AGBL1: variants seen among roughly 807,000 people sequenced by gnomAD.
AGBL1 encodes the protein cytosolic carboxypeptidase 4.
Under a neutral mutation model 118.9 loss-of-function variants are expected in AGBL1, and 130 were observed. That is an observed-to-expected ratio of 1.09 (90% CI 0.95 to 1.26). The LOEUF (loss-of-function observed/expected upper bound fraction) is 1.26. Among genes scored for constraint, AGBL1 ranks in the 50% most tolerant of loss-of-function variants. AGBL1 has a pLI of 0.00. For synonymous variants in AGBL1, 555 were observed against 478.9 expected (o/e 1.16, Z -2.08); for missense variants, 1,584 against 1,298.1 (o/e 1.22, Z -3.38).
At chr15:86,903,364 T>C (rs1328483851) in intron 22 of AGBL1, among the ~76,000 whole-genome samples, 1 of 152,204 alleles carries the variant, frequency 6.6e-6, no homozygotes, top group African/African-American at 2.4e-5. Flanking sequence ...TTCTTTATTT[T>C]CCCTACCTTT....
chr15:86,568,227 G>T (rs2083946086), intron 21 of AGBL1, among the ~76,000 whole-genome samples: 1 of 152,068 alleles, frequency 6.6e-6, no homozygotes, highest in East Asian at 1.9e-4. Context: ...TCTTTGAACA[G>T]TCTTCGTATG....
chr15:86,947,146 C>T (rs769830986), intron 23 of AGBL1, among the ~76,000 whole-genome samples: 1 of 152,136 alleles, frequency 6.6e-6, no homozygotes, highest in African/African-American at 2.4e-5. Flanking sequence ...GGTGGGAATT[C>T]TTTGCTGATC....
intron 1 of AGBL1, among the ~76,000 whole-genome samples, chr15:86,130,146 G>T (rs2076801013): frequency 6.6e-6 from 1 of 152,080 alleles, no homozygotes; most frequent in East Asian, 1.9e-4. Context: ...ACTGGAGCAT[G>T]AGGGACACCT....
At chr15:86,183,426 A>C (rs753488491) in intron 5 of AGBL1, among the ~76,000 whole-genome samples, 3 of 152,178 alleles carry the variant, frequency 2.0e-5, no homozygotes, top group Non-Finnish European at 4.4e-5. Context: ...ATTTCCTATA[A>C]TTTACACAAG....
At chr15:86,648,960 T>C (rs1014749686) in intron 21 of AGBL1, among the ~76,000 whole-genome samples, 2 of 152,058 alleles carry the variant, frequency 1.3e-5, no homozygotes, top group East Asian at 3.9e-4. Context: ...CAAAGGGGAA[T>C]GGAGAAATGG....
At chr15:86,709,923 G>A (rs1477013384) in intron 22 of AGBL1, among the ~76,000 whole-genome samples, 1 of 152,106 alleles carries the variant, frequency 6.6e-6, no homozygotes, top group Non-Finnish European at 1.5e-5. Flanking sequence ...ATTAAATAGA[G>A]AGCCTTGTTA....
intron 22 of AGBL1, among the ~76,000 whole-genome samples, chr15:86,849,810 G>C (rs116540092): frequency 6.6e-6 from 1 of 152,302 alleles, no homozygotes; most frequent in African/African-American, 2.4e-5. Flanking sequence ...TAGCATTCAG[G>C]ACAGCAAGGT....
Position 86,978,033 on chromosome 15 carries a change from A to AT in AGBL1, c.3222-9948dup, listed in dbSNP as rs534219100. Among the ~76,000 whole-genome samples the AT allele has an allele frequency of 9.6e-3, 1,464 of 152,214 alleles. 23 individuals are homozygous for AT. The highest frequency in any genetic ancestry group is 0.034 in the African/African-American group (1,405 of 41,528). On this transcript the variant is annotated intron_variant, in intron 23 of 24. Transcript: ENST00000441037. ...ACTATCATGTAGTCTTTTATAAATA[A>AT]TTTTTTAGATAAAAGCAGTATTATT...
chr15:86,503,288 CCTCT>C (rs2082937473), intron 18 of AGBL1, among the ~76,000 whole-genome samples: 1 of 151,020 alleles, frequency 6.6e-6, no homozygotes, highest in Non-Finnish European at 1.5e-5. Context: ...AGTAATGTTC[CCTCT>C]GTCATTTCTC....
In AGBL1 at chr15:86,962,132, C is replaced by A. The variant is rs578135147; in HGVS notation, c.3222-25855C>A. Among the ~76,000 whole-genome samples the A allele has an allele frequency of 3.2e-4, 48 of 152,210 alleles. No homozygotes were observed. The South Asian group carries it at 9.5e-3, about 30-fold the overall frequency. On this transcript the variant is annotated intron_variant, in intron 23 of 24. Coordinates refer to the AGBL1 transcript ENST00000441037. The stretch of plus-strand genomic sequence containing the variant: ...TTCAATTATCCTGGAGACAGCCAAC[C>A]AATAAGTTTAGCAGTGTTTGAAAAG...
At chr15:86,705,762 A>C (rs756262417) in intron 22 of AGBL1, among the ~76,000 whole-genome samples, 9 of 152,150 alleles carry the variant, frequency 5.9e-5, no homozygotes, top group Non-Finnish European at 1.2e-4. Flanking sequence ...AGGTGCATTC[A>C]TCTGATCAAA....
At chr15:86,680,780 TG>T (rs1444692930) in intron 22 of AGBL1, among the ~76,000 whole-genome samples, 1 of 151,892 alleles carries the variant, frequency 6.6e-6, no homozygotes, top group African/African-American at 2.4e-5. Flanking sequence ...TTGGCCAGGT[TG>T]GTTTTGAACT....
At chr15:86,777,772 G>C (rs1186999934) in intron 22 of AGBL1, among the ~76,000 whole-genome samples, 1 of 151,908 alleles carries the variant, frequency 6.6e-6, no homozygotes, top group African/African-American at 2.4e-5. Flanking sequence ...TACCTCTTCT[G>C]TTTTTTTCTT....
intron 17 of AGBL1, among the ~76,000 whole-genome samples, chr15:86,360,669 G>C (rs538337744): frequency 9.6e-4 from 146 of 151,962 alleles, no homozygotes; most frequent in African/African-American, 3.4e-3. Flanking sequence ...TTCTGCTCCA[G>C]TTCTTTCCTT....
At chr15:86,670,411 C>A (rs1319976568) in intron 21 of AGBL1, among the ~76,000 whole-genome samples, 1 of 151,812 alleles carries the variant, frequency 6.6e-6, no homozygotes, top group Non-Finnish European at 1.5e-5. Flanking sequence ...TGAGACCAGC[C>A]TGGCCAAGGT....
intron 17 of AGBL1, among the ~76,000 whole-genome samples, chr15:86,324,044 A>G (rs934316190): frequency 1.3e-5 from 2 of 152,228 alleles, no homozygotes; most frequent in South Asian, 2.1e-4. Flanking sequence ...TTCATGTGCT[A>G]TAAGAAAAAA....
chr15:86,503,351 C>T (rs2082938408), intron 18 of AGBL1, among the ~76,000 whole-genome samples: 1 of 151,132 alleles, frequency 6.6e-6, no homozygotes, highest in Non-Finnish European at 1.5e-5. Flanking sequence ...GTCAGTTTGA[C>T]AAAAAGGTTT....
chr15:86,086,656 A>G (rs149336264), intron 1 of AGBL1, among the ~76,000 whole-genome samples: 162 of 152,056 alleles, frequency 1.1e-3, no homozygotes, highest in African/African-American at 3.7e-3. Context: ...CTTTTTGGTA[A>G]CTTTTTACAA....
chr15:86,306,327 C>T (rs2079839902), intron 17 of AGBL1, among the ~76,000 whole-genome samples: 1 of 152,132 alleles, frequency 6.6e-6, no homozygotes, highest in Non-Finnish European at 1.5e-5. Context: ...CCTTCCAAGC[C>T]TCTGGTAACC....
Sources: gnomAD v4.1 joint callset for allele counts (sites outside exome capture counted in the v4.1 genomes callset) on GRCh38, gnomAD v4.1.1 for gene constraint, MANE v1.5 for transcripts, NCBI Gene and HGNC (gene_info 2026-07-23, HGNC 2026-07-21) for gene names.